Variants in ADAM9 observed in about 807,000 individuals in gnomAD.
ADAM9 encodes the protein disintegrin and metalloproteinase domain-containing protein 9.
ADAM9 carries 54 observed loss-of-function variants against 108.1 expected under a neutral mutation model. The ratio of observed to expected loss-of-function variants is 0.50; its 90% CI spans 0.40 to 0.63. The LOEUF (loss-of-function observed/expected upper bound fraction) is 0.63, where lower values mean the gene tolerates loss of function less well. Among genes scored for constraint, ADAM9 ranks in the 20% least tolerant of loss-of-function variants. The pLI is 0.00. For synonymous variants in ADAM9, 316 were observed against 336.0 expected (o/e 0.94, Z 0.65); for missense variants, 830 against 997.7 (o/e 0.83, Z 2.26).
chr8:39,024,834 G>A (rs1243132365), intron 9 of ADAM9, among the ~76,000 whole-genome samples: 1 of 152,118 alleles, frequency 6.6e-6, no homozygotes, highest in Non-Finnish European at 1.5e-5. Flanking sequence ...TAAAACGGGA[G>A]GGTAGATATA....
chr8:39,091,488 T>C, intron 20 of ADAM9, 142 bp downstream of exon 20: 1 of 806,210 alleles, frequency 1.2e-6, no homozygotes, highest in Non-Finnish European at 1.9e-6. Context: ...GGTCCCTGAG[T>C]TTTTTGTTTT....
chr8:39,006,381 T>C (rs1197979339), intron 1 of ADAM9, among the ~76,000 whole-genome samples: 1 of 151,938 alleles, frequency 6.6e-6, no homozygotes, highest in African/African-American at 2.4e-5. Context: ...CCAGACAAAA[T>C]TATAAACATT....
chr8:39,005,621 T>A (rs1386180132), intron 1 of ADAM9, among the ~76,000 whole-genome samples: 1 of 152,220 alleles, frequency 6.6e-6, no homozygotes, highest in South Asian at 2.1e-4. Context: ...GATCACTGAT[T>A]GGTTCACTGA....
At chr8:39,001,311 A>G (rs1307291625) in intron 1 of ADAM9, among the ~76,000 whole-genome samples, 2 of 152,252 alleles carry the variant, frequency 1.3e-5, no homozygotes, top group African/African-American at 2.4e-5. Context: ...ACTTTAAGTC[A>G]TATGTGATAA....
chr8:39,103,565 C>T, intron 21 of ADAM9, 42 bp from the exon 22 acceptor site: 1 of 1,565,504 alleles, frequency 6.4e-7, no homozygotes, highest in Non-Finnish European at 8.8e-7. Context: ...ATTATTTCAC[C>T]CAGTCTAAAC....
intron 14 of ADAM9, among the ~76,000 whole-genome samples, chr8:39,065,601 A>G (rs561209997): frequency 7.1e-6 from 1 of 140,726 alleles, no homozygotes; most frequent in South Asian, 2.3e-4. Flanking sequence ...CGGAGCTTGC[A>G]GTGAGCCGAG....
Position 39,026,278 on chromosome 8 carries a change from C to T in ADAM9, c.996+394C>T, listed in dbSNP as rs952452530. On this transcript the variant is annotated intron_variant, in intron 10 of 21. Coordinates refer to ENST00000487273, the MANE Select transcript of ADAM9 (RefSeq NM_003816.3). ...TTGCTCCCCACCTCCCGACAGGCCC[C>T]GGTGTGTGATGTTCCCCTCCCTGTG... Among the ~76,000 whole-genome samples the T allele has an allele frequency of 6.6e-5, 10 of 152,272 alleles. No homozygotes were observed. In the East Asian group the frequency reaches 7.7e-4, roughly 12 times the overall value.
chr8:39,050,973 T>C (rs1342051707), intron 12 of ADAM9, among the ~76,000 whole-genome samples: 3 of 151,916 alleles, frequency 2.0e-5, no homozygotes, highest in African/African-American at 7.3e-5. Flanking sequence ...CCATCTGTGC[T>C]CTGAGAGAGG....
At chr8:39,014,939 A>C (rs1182495021) in intron 4 of ADAM9, 1 of 180,066 alleles carries the variant, frequency 5.6e-6, no homozygotes, top group Non-Finnish European at 1.2e-5. Context: ...TGTTTAATAG[A>C]AAATTAGTAG....
At chr8:39,005,698 G>A (rs1836138762) in intron 1 of ADAM9, among the ~76,000 whole-genome samples, 2 of 152,194 alleles carry the variant, frequency 1.3e-5, no homozygotes, top group Non-Finnish European at 1.5e-5. Flanking sequence ...AGAATTTAAT[G>A]TCAGGTGTAC....
intron 14 of ADAM9, among the ~76,000 whole-genome samples, chr8:39,056,290 T>G (rs1358058106): frequency 6.6e-6 from 1 of 152,198 alleles, no homozygotes; most frequent in African/African-American, 2.4e-5. Flanking sequence ...ATGCATAGTA[T>G]GAACAAATAA....
At chr8:39,097,506 C>G (rs180831492) in intron 20 of ADAM9, among the ~76,000 whole-genome samples, 15 of 152,200 alleles carry the variant, frequency 9.9e-5, no homozygotes, top group Non-Finnish European at 2.2e-4. Flanking sequence ...TGGGGTTTCA[C>G]CATATTGGCC....
intron 20 of ADAM9, among the ~76,000 whole-genome samples, chr8:39,097,120 T>C (rs1839530190): frequency 6.6e-6 from 1 of 152,184 alleles, no homozygotes; most frequent in South Asian, 2.1e-4. Context: ...TTTCTCAGAT[T>C]TTGCAGCCTT....
At chr8:39,000,675 C>T (rs1835966796) in intron 1 of ADAM9, among the ~76,000 whole-genome samples, 1 of 152,042 alleles carries the variant, frequency 6.6e-6, no homozygotes, top group Admixed American at 6.5e-5. Flanking sequence ...CTCTGTTGCC[C>T]AGGCTGGTCT....
chr8:39,025,788 T>A lies in ADAM9; in HGVS notation c.915-15T>A. The A allele has an allele frequency of 6.2e-7, 1 of 1,613,224 alleles. No homozygotes were observed. The highest frequency in any genetic ancestry group is 8.5e-7 in the Non-Finnish European group (1 of 1,179,292). Reference sequence around the variant, plus strand: ...TTCCCCAAGAACATTTTTTAACTTTTACATTTTCATTTAGAAAGAAAGGTT... The same window carrying A: ...TTCCCCAAGAACATTTTTTAACTTTAACATTTTCATTTAGAAAGAAAGGTT... On this transcript the variant is annotated splice_polypyrimidine_tract_variant and intron_variant, in intron 9 of 21. Transcript: ENST00000487273.
intron 20 of ADAM9, among the ~76,000 whole-genome samples, chr8:39,093,927 G>GC (rs1839425873): frequency 6.6e-6 from 1 of 152,114 alleles, no homozygotes; most frequent in Non-Finnish European, 1.5e-5. Context: ...GTGCCACCCT[G>GC]CCCAGCTAAT....
intron 12 of ADAM9, among the ~76,000 whole-genome samples, chr8:39,047,040 A>T (rs962489938): frequency 1.3e-5 from 2 of 152,214 alleles, no homozygotes; most frequent in African/African-American, 4.8e-5. Flanking sequence ...GAGTGCTGGG[A>T]TTACAGGTGT....
intron 16 of ADAM9, among the ~76,000 whole-genome samples, chr8:39,081,210 A>C (rs1839014797): frequency 6.6e-6 from 1 of 151,686 alleles, no homozygotes; most frequent in African/African-American, 2.4e-5. Flanking sequence ...CGGCCTCCCA[A>C]AGTGCTGGGA....
At chr8:39,094,693 A>G (rs901496380) in intron 20 of ADAM9, among the ~76,000 whole-genome samples, 1 of 151,852 alleles carries the variant, frequency 6.6e-6, no homozygotes, top group Non-Finnish European at 1.5e-5. Flanking sequence ...TCTAGGTTCA[A>G]TTTGTTGGTG....
Sources: allele counts gnomAD v4.1 joint callset (sites outside exome capture counted in the v4.1 genomes callset), GRCh38; gene constraint gnomAD v4.1.1; transcripts MANE v1.5; gene names NCBI Gene and HGNC (gene_info 2026-07-23, HGNC 2026-07-21).